KNOP1: variants seen among roughly 807,000 people sequenced by gnomAD.
KNOP1 encodes lysine rich nucleolar protein 1.
Under a neutral mutation model 30.6 loss-of-function variants are expected in KNOP1, and 20 were observed. That is an observed-to-expected ratio of 0.65 (90% CI 0.46 to 0.95). The LOEUF (loss-of-function observed/expected upper bound fraction) is 0.95, where lower values mean the gene tolerates loss of function less well. Ranked by LOEUF, KNOP1 falls within the 40% of genes least tolerant of loss-of-function variation. The pLI, the probability that KNOP1 is intolerant of heterozygous loss-of-function variation, is 0.00. For missense variants in KNOP1, 540 were observed against 562.0 expected, an observed-to-expected ratio of 0.96 and a Z score of 0.40; for synonymous variants, 204 against 210.0, an observed-to-expected ratio of 0.97 and a Z score of 0.25.
At chr16:19,709,223 C>A (rs113874699) in intron 4 of KNOP1, among the ~76,000 whole-genome samples, 1 of 152,206 alleles carries the variant, frequency 6.6e-6, no homozygotes, top group Non-Finnish European at 1.5e-5. Flanking sequence ...CAGAGTCCCA[C>A]CACTAGACAG....
rs1976712086 is a variant in KNOP1 at position 19,711,382 on chromosome 16, T to G, written c.977A>C (p.His326Pro). ...GGGTCTGGGCTGTACCTGGTCTATGTGCGCCTCATCCATGTTGCCTTTTTT... is the reference window on the plus strand; with the variant it reads ...GGGTCTGGGCTGTACCTGGTCTATGGGCGCCTCATCCATGTTGCCTTTTTT... ...LEKKGNMDEA[H>P]IDQVRRKALQ... Residue 326 changes from histidine (H) to proline (P), a missense_variant, in exon 3 of 5, where the codon CAC (histidine) becomes CCC (proline). His to Pro is a moderately conservative substitution (Grantham distance 77). Transcript: ENST00000219837. 6.2e-7 allele frequency: 1 copy of G among 1,613,996 alleles called. No homozygotes were observed. Among genetic ancestry groups the G allele is most frequent in the African/African-American group, 1.3e-5 (1 of 74,924 alleles).
Position 19,714,252 on chromosome 16 carries a change from G to T in KNOP1, c.784C>A (p.Pro262Thr), listed in dbSNP as rs764897724. 16 of 1,613,910 alleles carry T rather than the reference G, an allele frequency of 9.9e-6. No homozygotes were observed. In the East Asian group the frequency reaches 3.3e-4, roughly 34 times the overall value. ...ATCTTTTTCTTTGCGGAGGCCTTAGGGTCATCACTTATGGGGATGTATTCC... is the reference window on the plus strand; with the variant it reads ...ATCTTTTTCTTTGCGGAGGCCTTAGTGTCATCACTTATGGGGATGTATTCC... ...APEYIPISDDPKASAKKKMKS... is the reference protein window; with the variant it reads ...APEYIPISDDTKASAKKKMKS... The change falls in exon 2 of 5, where the codon CCT becomes ACT. Residue 262 changes from proline to threonine, a missense_variant. Transcript: ENST00000219837.
chr16:19,717,668 T>G, intron 1 of KNOP1: 1 of 986,084 alleles, frequency 1.0e-6, no homozygotes, highest in Non-Finnish European at 1.2e-6. Context: ...CGCAAACGCT[T>G]TCTCCAAAAC....
rs764421510 is a variant in KNOP1, at chr16:19,714,833, T to C, written c.203A>G (p.Lys68Arg). The C allele has an allele frequency of 6.2e-7, 1 of 1,613,706 alleles. No individual in the cohort carries two copies. The highest frequency in any genetic ancestry group is 8.5e-7 in the Non-Finnish European group (1 of 1,179,866). Residue 68 changes from lysine to arginine, a missense_variant, in exon 2 of 5, where the codon AAG (lysine) becomes AGG (arginine). Transcript: ENST00000219837. ...GGTGCTGACACCCTTCTTTTTCTTC[T>C]TCTTTTTCTTCACTAGAGGCATCTC... ...APEMPLVKKK[K>R]KKKKGVSTLC...
intron 3 of KNOP1, among the ~76,000 whole-genome samples, chr16:19,710,874 G>A (rs187441855): frequency 2.1e-5 from 3 of 145,004 alleles, no homozygotes; most frequent in South Asian, 4.3e-4. Flanking sequence ...ATCACGCCAC[G>A]GCACTCCAGC....
Position 19,708,109 on chromosome 16 carries a change from G to C in KNOP1, c.1066-888C>G, listed in dbSNP as rs369532472. On this transcript the variant is annotated intron_variant, in intron 4 of 4. Transcript: ENST00000219837. ...GGGCGCACTCACCCAGCAGCCTAAC[G>C]TTTGGGTGAATTGGAGGGTGGGAGA... Among the ~76,000 whole-genome samples, 227 of 151,412 alleles carry C rather than the reference G, an allele frequency of 1.5e-3. 1 individual carries two copies. The highest frequency in any genetic ancestry group is 5.2e-3 in the African/African-American group (216 of 41,240).
rs915498351 is a variant in KNOP1, at chr16:19,702,461, A to G, written c.*4449T>C. ...GCCAGTGAATTCTTACCGCTCTCAC[A>G]TTACACCTGAACTTGGACTTTCACA... is the stretch of plus-strand genomic sequence containing the variant. On this transcript the variant is annotated 3_prime_UTR_variant, in exon 5 of 5. Transcript: ENST00000219837. 6.6e-6 allele frequency: 1 copy of G among 152,226 alleles called. No homozygotes were observed. The highest frequency in any genetic ancestry group is 2.4e-5 in the African/African-American group (1 of 41,458). 9.4% of individuals were successfully genotyped at this position (152,226 alleles called of 1,614,324 possible). A position where few individuals can be genotyped will look rare whatever the true frequency, so the allele number is the denominator to read the frequency against.
At chr16:19,718,007 G>A in intron 1 of KNOP1, 151 bp downstream of exon 1, 2 of 1,337,458 alleles carry the variant, frequency 1.5e-6, no homozygotes, top group African/African-American at 1.5e-5. Context: ...GGAGGCGGCG[G>A]CCTCAGGCCG....
chr16:19,708,254 C>T (rs968790239), intron 4 of KNOP1, among the ~76,000 whole-genome samples: 9 of 151,868 alleles, frequency 5.9e-5, no homozygotes, highest in Non-Finnish European at 1.2e-4. Flanking sequence ...CCCAAGAACT[C>T]GGGGGTCCCC....
intron 2 of KNOP1, 137 bp from the exon 3 acceptor site, chr16:19,711,577 A>G: frequency 1.3e-6 from 1 of 746,216 alleles, no homozygotes; most frequent in Middle Eastern, 3.4e-4. Context: ...CCTGCCACCT[A>G]GAAACATCTC....
At position 19,718,150 on chromosome 16, in the gene KNOP1, G is replaced by A. The variant is rs1250571279; in HGVS notation, c.-3+8C>T. 34 of 1,473,444 alleles carry A rather than the reference G, an allele frequency of 2.3e-5. 1 individual carries two copies. The highest frequency in any genetic ancestry group is 5.6e-5 in the African/African-American group (4 of 71,344). The allele number at this position is 1,473,444 out of a possible 1,614,324, so 91.3% of individuals were successfully genotyped here. ...GCCGGCCCGCCTGCAACGCGCCCTG[G>A]CACTCACCGGTGGGCGAAATTTCCC... On this transcript the variant is annotated splice_region_variant and intron_variant, in intron 1 of 4. Transcript: ENST00000219837.
chr16:19,702,486 A>C lies in KNOP1; in HGVS notation c.*4424T>G, dbSNP rs1409207250. 6.6e-6 allele frequency: 1 copy of C among 152,160 alleles called. No individual in the cohort carries two copies. Among genetic ancestry groups the C allele is most frequent in the Non-Finnish European group, 1.5e-5 (1 of 68,030 alleles). The allele number at this position is 152,160 out of a possible 1,614,324, so 9.4% of individuals were successfully genotyped here. A position where few individuals can be genotyped will look rare whatever the true frequency, so the allele number is the denominator to read the frequency against. ...ATTACACCTGAACTTGGACTTTCAC[A>C]TGAGGTCGGGCACCCATTATATCAA... On this transcript the variant is annotated 3_prime_UTR_variant, in exon 5 of 5. Coordinates refer to ENST00000219837, the MANE Select transcript of KNOP1 (RefSeq NM_001012991.3).
chr16:19,711,525 C>T (rs900170463), intron 2 of KNOP1, 85 bp from the exon 3 acceptor site: 1 of 1,379,492 alleles, frequency 7.2e-7, no homozygotes, highest in Non-Finnish European at 1.0e-6. Flanking sequence ...GAGACCATGA[C>T]AAAGTCCAGA....
Position 19,705,476 on chromosome 16 carries a change from C to T in KNOP1, c.*1434G>A. 3.1e-6 allele frequency: 1 copy of T among 322,448 alleles called. No individual in the cohort carries two copies. Among genetic ancestry groups the T allele is most frequent in the Non-Finnish European group, 6.1e-6 (1 of 162,940 alleles). 20.0% of individuals were successfully genotyped at this position (322,448 alleles called of 1,614,324 possible). On this transcript the variant is annotated 3_prime_UTR_variant, in exon 5 of 5. Coordinates refer to ENST00000219837, the MANE Select transcript of KNOP1 (RefSeq NM_001012991.3). Reference sequence around the variant, plus strand: ...TAGAGTCCAGGCTTGGAAACGCTGTCCCCACAGCCGATGAGGCAACTTCCC... The same window carrying T: ...TAGAGTCCAGGCTTGGAAACGCTGTTCCCACAGCCGATGAGGCAACTTCCC...
Position 19,706,174 on chromosome 16 carries a change from C to T in KNOP1, c.*736G>A, listed in dbSNP as rs1183605737. 6.6e-6 allele frequency: 1 copy of T among 152,374 alleles called. No homozygotes were observed. Among genetic ancestry groups the T allele is most frequent in the Non-Finnish European group, 1.5e-5 (1 of 68,050 alleles). The allele number at this position is 152,374 out of a possible 1,614,324, so 9.4% of individuals were successfully genotyped here. A position where few individuals can be genotyped will look rare whatever the true frequency, so the allele number is the denominator to read the frequency against. On this transcript the variant is annotated 3_prime_UTR_variant, in exon 5 of 5. Transcript: ENST00000219837. ...GGAAGGAAAAGGAGTTTGCGATTCT[C>T]CGTTCCTCATTCACTCCACTTTTTA...
intron 3 of KNOP1, 96 bp downstream of exon 3, chr16:19,711,276 A>G: frequency 2.4e-6 from 3 of 1,256,930 alleles, no homozygotes; most frequent in East Asian, 2.3e-5. Context: ...GGTGCCCCTG[A>G]GACCAGGATC....
rs202156332 is a variant in KNOP1 at position 19,707,141 on chromosome 16, G to T, written c.1146C>A (p.Gly382=). Residue 382 remains glycine (G), a synonymous_variant, in exon 5 of 5, where the codon GGC becomes GGA. Transcript: ENST00000219837. ...QKLKFLRLMG[G]FKNLSPSFSR... ...TGAACGAAGGGGACAGGTTTTTGAA[G>T]CCACCCATAAGTCTGAGAAATTTCA... The T allele has an allele frequency of 1.2e-6, 2 of 1,614,086 alleles. No individual in the cohort carries two copies. Among genetic ancestry groups the T allele is most frequent in the Non-Finnish European group, 1.7e-6 (2 of 1,180,008 alleles).
chr16:19,711,349 C>G (rs1317659119), intron 3 of KNOP1, 23 bp downstream of exon 3: 1 of 1,612,768 alleles, frequency 6.2e-7, no homozygotes, highest in South Asian at 1.1e-5. Flanking sequence ...GCGGGAGGGG[C>G]CTGAGGAGGG....
intron 4 of KNOP1, 121 bp downstream of exon 4, chr16:19,710,388 G>A: frequency 1.1e-6 from 1 of 946,244 alleles, no homozygotes; most frequent in Non-Finnish European, 1.7e-6. Flanking sequence ...TGCAGGCTAG[G>A]GCTGCCTCTG....
Sources: gnomAD v4.1 joint callset for allele counts (sites outside exome capture counted in the v4.1 genomes callset) on GRCh38, gnomAD v4.1.1 for gene constraint, MANE v1.5 for transcripts, NCBI Gene and HGNC (gene_info 2026-07-23, HGNC 2026-07-21) for gene names.